Variants in LARGE1 observed in about 807,000 individuals in gnomAD.
LARGE1 encodes LARGE xylosyl- and glucuronyltransferase 1.
In LARGE1, 43 loss-of-function variants were observed where a neutral mutation model predicts 87.6. That is an observed-to-expected ratio of 0.49 (90% CI 0.38 to 0.63). LARGE1 has a LOEUF of 0.63. Among genes scored for constraint, LARGE1 ranks in the 30% least tolerant of loss-of-function variants. The probability of loss-of-function intolerance (pLI) is 0.00; values close to 1 mark genes in which losing one functional copy is unlikely to be tolerated. For missense variants in LARGE1, 802 were observed against 1,000.2 expected, an observed-to-expected ratio of 0.80 and a Z score of 2.67; for synonymous variants, 434 against 394.6, an observed-to-expected ratio of 1.10 and a Z score of -1.18.
chr22:33,523,030 G>C (rs968114048), intron 6 of LARGE1, among the ~76,000 whole-genome samples: 2 of 151,552 alleles, frequency 1.3e-5, no homozygotes, highest in Non-Finnish European at 2.9e-5. Flanking sequence ...TTGAAATGGA[G>C]TTTCACTCTT....
intron 5 of LARGE1, among the ~76,000 whole-genome samples, chr22:33,585,613 C>T (rs2251740): frequency 0.59 from 89,485 of 151,984 alleles, 26,892 homozygotes; most frequent in African/African-American, 0.72. Context: ...GAGGAGCCCA[C>T]GAAAATTCCC....
At chr22:33,108,983 G>A in the LARGE1 span, 2 of 152,178 alleles carry the variant, frequency 1.3e-5, no homozygotes, top group Admixed American at 1.3e-4. Flanking sequence ...TAATAAAAGT[G>A]TCAAGCTGAT....
intron 5 of LARGE1, among the ~76,000 whole-genome samples, chr22:33,577,154 C>A (rs1371746167): frequency 6.6e-6 from 1 of 151,932 alleles, no homozygotes; most frequent in Admixed American, 6.6e-5. Context: ...TTAACAGACA[C>A]AAAAGTTGGT....
Position 33,649,107 on chromosome 22 carries a change from C to G in LARGE1, c.408+1260G>C, listed in dbSNP as rs972657394. Among the ~76,000 whole-genome samples, 2 of 152,146 alleles carry G rather than the reference C, an allele frequency of 1.3e-5. 1 individual carries two copies. Among genetic ancestry groups the G allele is most frequent in the African/African-American group, 4.8e-5 (2 of 41,432 alleles). On this transcript the variant is annotated intron_variant, in intron 3 of 14. Coordinates refer to ENST00000397394, the MANE Select transcript of LARGE1 (RefSeq NM_133642.5). ...ATATGACACATTCCTCGTTGGACAT[C>G]CTCTGTCGGATGCTCTCTACCTCTC...
intron 2 of LARGE1, among the ~76,000 whole-genome samples, chr22:33,701,437 G>A (rs1556003103): frequency 6.6e-6 from 1 of 152,192 alleles, no homozygotes; most frequent in Non-Finnish European, 1.5e-5. Flanking sequence ...AAACCAAAGG[G>A]ACTTTTATGT....
chr22:33,074,585 G>T, the LARGE1 span, among the ~76,000 whole-genome samples: 5 of 152,128 alleles, frequency 3.3e-5, no homozygotes, highest in Non-Finnish European at 5.9e-5. Context: ...TGAGGCCAGA[G>T]AATTGCTTGA....
chr22:33,159,390 T>A (rs1921952346), downstream of LARGE1, among the ~76,000 whole-genome samples: 2 of 152,312 alleles, frequency 1.3e-5, no homozygotes, highest in South Asian at 4.1e-4. Context: ...CTGTTGTCAC[T>A]CTCTCTTCCT....
intron 10 of LARGE1, 96 bp from the exon 11 acceptor site, chr22:33,316,344 AC>A: frequency 8.3e-7 from 1 of 1,198,958 alleles, no homozygotes; most frequent in Non-Finnish European, 1.2e-6. Flanking sequence ...TGAGTTTATT[AC>A]CCATCAGGAC....
intron 11 of LARGE1, among the ~76,000 whole-genome samples, chr22:33,177,034 A>G (rs1568960532): frequency 6.6e-6 from 1 of 152,220 alleles, no homozygotes; most frequent in Non-Finnish European, 1.5e-5. Flanking sequence ...GGAAACTGTC[A>G]TTCTCAGCAA....
At chr22:33,192,194 G>A (rs1171879947) in intron 11 of LARGE1, among the ~76,000 whole-genome samples, 1 of 152,192 alleles carries the variant, frequency 6.6e-6, no homozygotes, top group Admixed American at 6.5e-5. Context: ...ATCATTAAGA[G>A]TATCATCAGT....
At position 33,506,699 on chromosome 22, in the gene LARGE1, G is replaced by A. The variant is rs191042254; in HGVS notation, c.787+58149C>T. Among the ~76,000 whole-genome samples, 71 of 152,236 alleles carry A rather than the reference G, an allele frequency of 4.7e-4. 2 individuals carry two copies. In the East Asian group the frequency reaches 0.012, roughly 25 times the overall value. On this transcript the variant is annotated intron_variant, in intron 6 of 14. Transcript: ENST00000397394. ...GTAGATCACCTGAGGTCAGGAGTTCGAGACCAGCCTGGCCAATATGGTGAA... is the reference window on the plus strand; with the variant it reads ...GTAGATCACCTGAGGTCAGGAGTTCAAGACCAGCCTGGCCAATATGGTGAA...
chr22:33,386,625 G>A lies in LARGE1; in HGVS notation c.893-2321C>T, dbSNP rs368800884. Among the ~76,000 whole-genome samples, 23 of 148,952 alleles carry A rather than the reference G, an allele frequency of 1.5e-4. 3 individuals are homozygous for A. Among genetic ancestry groups the A allele is most frequent in the Middle Eastern group, 3.6e-3 (1 of 280 alleles). ...CTAGCAATATCATATCACTGAATAT[G>A]GAGTTGGGGAGGAAGGTACACAGTG... On this transcript the variant is annotated intron_variant, in intron 7 of 14. Coordinates refer to ENST00000397394, the MANE Select transcript of LARGE1 (RefSeq NM_133642.5).
intron 9 of LARGE1, among the ~76,000 whole-genome samples, chr22:33,369,397 G>T (rs2064722028): frequency 6.6e-6 from 1 of 152,000 alleles, no homozygotes. Context: ...GCATGTTTTT[G>T]GATCAACAGC....
At chr22:33,784,669 A>T (rs1359591233) in intron 1 of LARGE1, among the ~76,000 whole-genome samples, 10 of 152,280 alleles carry the variant, frequency 6.6e-5, no homozygotes, top group South Asian at 6.2e-4. Flanking sequence ...TTCAGGAGAC[A>T]GTCACAGGTA....
chr22:33,879,439 C>T (rs533582492), intron 1 of LARGE1, among the ~76,000 whole-genome samples: 1 of 152,328 alleles, frequency 6.6e-6, no homozygotes, highest in Admixed American at 6.5e-5. Flanking sequence ...CACAGGAAGG[C>T]TTACTGCTTT....
chr22:33,500,170 G>A (rs2070360913), intron 6 of LARGE1, among the ~76,000 whole-genome samples: 1 of 152,160 alleles, frequency 6.6e-6, no homozygotes, highest in Admixed American at 6.5e-5. Context: ...CTGCTTCTAT[G>A]TTTCTTTTTT....
intron 6 of LARGE1, among the ~76,000 whole-genome samples, chr22:33,501,577 T>C (rs1569217623): frequency 1.3e-5 from 2 of 152,224 alleles, no homozygotes; most frequent in Admixed American, 1.3e-4. Flanking sequence ...TCTGGGTTTC[T>C]TTCTTGGAAT....
At chr22:33,711,328 G>T (rs537892535) in intron 2 of LARGE1, among the ~76,000 whole-genome samples, 1 of 152,320 alleles carries the variant, frequency 6.6e-6, no homozygotes, top group South Asian at 2.1e-4. Flanking sequence ...GAATGGATTG[G>T]TCTCTTTCAA....
Position 33,457,514 on chromosome 22 carries a change from T to G in LARGE1, c.788-25249A>C, listed in dbSNP as rs142527886. Among the ~76,000 whole-genome samples, 1,438 of 151,950 alleles carry G rather than the reference T, an allele frequency of 9.5e-3. 14 individuals are homozygous for G. The highest frequency in any genetic ancestry group is 0.033 in the African/African-American group (1,382 of 41,424). ...ATCAACATTTATGAAGTATAAAGGA[T>G]AGTCCTTATTAAATTAAAAAAAGAT... On this transcript the variant is annotated intron_variant, in intron 6 of 14. Coordinates refer to ENST00000397394, the MANE Select transcript of LARGE1 (RefSeq NM_133642.5).
Sources: gnomAD v4.1 joint callset for allele counts (sites outside exome capture counted in the v4.1 genomes callset) on GRCh38, gnomAD v4.1.1 for gene constraint, MANE v1.5 for transcripts, NCBI Gene and HGNC (gene_info 2026-07-23, HGNC 2026-07-21) for gene names.